The following CC2D1B variants were observed in gnomAD, a reference collection of about 807,000 sequenced individuals.
CC2D1B encodes the protein coiled-coil and C2 domain containing 1B.
CC2D1B carries 92 observed loss-of-function variants against 110.8 expected under a neutral mutation model. That is an observed-to-expected ratio of 0.83 (90% CI 0.70 to 0.99). The LOEUF (loss-of-function observed/expected upper bound fraction) is 0.99. Ranked by LOEUF, CC2D1B falls within the 50% of genes least tolerant of loss-of-function variation. The probability of loss-of-function intolerance (pLI) is 0.00; values close to 1 mark genes in which losing one functional copy is unlikely to be tolerated. For synonymous variants in CC2D1B, 406 were observed against 429.2 expected (o/e 0.95, Z 0.67); for missense variants, 1,136 against 1,089.0 (o/e 1.04, Z -0.61).
At chr1:52,357,503 G>A in intron 15 of CC2D1B, 23 bp downstream of exon 15, 1 of 1,555,410 alleles carries the variant, frequency 6.4e-7, no homozygotes, top group Non-Finnish European at 8.7e-7. Context: ...AGAAGTCCTG[G>A]TGGTTAACCA....
At position 52,353,229 on chromosome 1, in the gene CC2D1B, CAG is replaced by C. The variant is rs1329603540; in HGVS notation, c.*2-8_*2-7del. 2.0e-5 allele frequency: 27 copies of C among 1,372,344 alleles called. No homozygotes were observed. Among genetic ancestry groups the C allele is most frequent in the Admixed American group, 4.4e-5 (2 of 45,376 alleles). The allele number at this position is 1,372,344 out of a possible 1,614,324, so 85.0% of individuals were successfully genotyped here. On this transcript the variant is annotated splice_region_variant and splice_polypyrimidine_tract_variant and intron_variant, in intron 24 of 24. Coordinates refer to ENST00000284376, the MANE Select transcript of CC2D1B (RefSeq NM_001330585.2). ...CTCCTGGTGCTGGCCATCGGCTACACAGGGGTGCAAAGCACAAGAAGTCAGTC... is the reference window on the plus strand; with the variant it reads ...CTCCTGGTGCTGGCCATCGGCTACACGGGTGCAAAGCACAAGAAGTCAGTC...
At chr1:52,356,738 T>TA in intron 16 of CC2D1B, 1 of 598,896 alleles carries the variant, frequency 1.7e-6, no homozygotes, top group South Asian at 2.1e-5. Context: ...TTCAGATAGA[T>TA]AAATACATAA....
At chr1:52,354,350 T>G (rs762671498) in intron 23 of CC2D1B, 1 of 664,318 alleles carries the variant, frequency 1.5e-6, no homozygotes, top group Non-Finnish European at 2.8e-6. Context: ...AGAGGCAAGG[T>G]CGTATAGTCC....
Position 52,352,971 on chromosome 1 carries a change from C to T in CC2D1B, c.*254G>A. ...TACAGAGGAATGGAAGTGTCCTTGC[C>T]CTCTTCCAGACTCGGGGCAGGGGGA... is the stretch of plus-strand genomic sequence containing the variant. On this transcript the variant is annotated 3_prime_UTR_variant, in exon 25 of 25. Transcript: ENST00000284376. 2.7e-6 allele frequency: 1 copy of T among 368,584 alleles called. No homozygotes were observed. The highest frequency in any genetic ancestry group is 2.1e-5 in the South Asian group (1 of 47,338). The allele number at this position is 368,584 out of a possible 1,614,324, so 22.8% of individuals were successfully genotyped here. A position where few individuals can be genotyped will look rare whatever the true frequency, so the allele number is the denominator to read the frequency against.
At chr1:52,356,160 G>A (rs1646646464) in intron 18 of CC2D1B, 26 bp downstream of exon 18, 5 of 1,569,904 alleles carry the variant, frequency 3.2e-6, no homozygotes, top group Middle Eastern at 1.7e-4. Context: ...CCTGCCTGGA[G>A]CCCCTGTTTC....
In CC2D1B at chr1:52,359,779, ACT is replaced by A. The variant is rs1281185262; in HGVS notation, c.866_867del (p.Glu289ValfsTer50). ...TTGGCACTGAGGGCAGCCACTTTGT[ACT>A]CTCTCTGTCGGGATGACAGCAGGGC... ...PRALLSSRQR[E>X]YKVAALSAKR... On this transcript the variant is annotated frameshift_variant, in exon 8 of 25. Transcript: ENST00000284376. LOFTEE classifies it high-confidence loss of function. 6 of 1,610,538 alleles carry A rather than the reference ACT, an allele frequency of 3.7e-6. No homozygotes were observed. The highest frequency in any genetic ancestry group is 1.3e-5 in the African/African-American group (1 of 74,730).
rs144573732 is a variant in CC2D1B at position 52,355,623 on chromosome 1, A to G, written c.2172T>C (p.Phe724=). Residue 724 remains phenylalanine (F), a synonymous_variant, in exon 20 of 25, where the codon TTT becomes TTC. Transcript: ENST00000284376. ...TGAACCTCACCGAGTTAGGGTAGTGAAACTCAAACCGCACAAAAGCATCCA... is the reference window on the plus strand; with the variant it reads ...TGAACCTCACCGAGTTAGGGTAGTGGAACTCAAACCGCACAAAAGCATCCA... ...DDLDAFVRFE[F]HYPNSDQAQK... The G allele has an allele frequency of 6.2e-7, 1 of 1,614,078 alleles. No homozygotes were observed. Among genetic ancestry groups the G allele is most frequent in the Non-Finnish European group, 8.5e-7 (1 of 1,180,056 alleles).
chr1:52,360,602 C>T, intron 5 of CC2D1B, 53 bp from the exon 6 acceptor site: 2 of 1,581,444 alleles, frequency 1.3e-6, no homozygotes, highest in Non-Finnish European at 1.7e-6. Context: ...CTAGGCCTAC[C>T]ATTCTCCCTC....
intron 8 of CC2D1B, 52 bp downstream of exon 8, chr1:52,359,652 CT>C: frequency 6.4e-7 from 1 of 1,550,754 alleles, no homozygotes; most frequent in Admixed American, 2.0e-5. Flanking sequence ...CTTTCTGAGC[CT>C]GTTTCCCCTA....
chr1:52,359,470 G>T lies in CC2D1B; in HGVS notation c.1007C>A (p.Pro336Gln). 1 of 1,613,922 alleles carries T rather than the reference G, an allele frequency of 6.2e-7. No homozygotes were observed. The change falls in exon 9 of 25, where the codon CCG becomes CAG. Residue 336 changes from proline to glutamine, a missense_variant. By Grantham distance (76) the Pro-to-Gln change is moderately conservative (BLOSUM62 -1). Coordinates refer to ENST00000284376, the MANE Select transcript of CC2D1B (RefSeq NM_001330585.2). ...GQPVDLSAMP[P>Q]APEDLKPQQA... The stretch of plus-strand genomic sequence containing the variant: ...AGATACATACTGACCCTCAGGTGCC[G>T]GGGGCATGGCACTCAGATCCACGGG...
At chr1:52,357,405 G>T in intron 15 of CC2D1B, 121 bp downstream of exon 15, 3 of 1,114,802 alleles carry the variant, frequency 2.7e-6, no homozygotes, top group Non-Finnish European at 3.8e-6. Flanking sequence ...TTTCCCAGCT[G>T]TCATCATGCT....
chr1:52,358,890 T>C, intron 11 of CC2D1B, 132 bp from the exon 12 acceptor site: 1 of 1,439,658 alleles, frequency 6.9e-7, no homozygotes, highest in East Asian at 2.3e-5. Context: ...AAAAGATCCC[T>C]AAGGCAGCAA....
rs1646530369 is a variant in CC2D1B, at chr1:52,351,531, C to G, written c.*1694G>C. ...TTCTAGATTATTGCTGTGTTGCATA[C>G]ACGTGACTGCAATTAAGTGTTAAAT... is the stretch of plus-strand genomic sequence containing the variant. On this transcript the variant is annotated 3_prime_UTR_variant, in exon 25 of 25. Coordinates refer to ENST00000284376, the MANE Select transcript of CC2D1B (RefSeq NM_001330585.2). The G allele has an allele frequency of 6.6e-6, 1 of 152,110 alleles. No homozygotes were observed. The highest frequency in any genetic ancestry group is 1.5e-5 in the Non-Finnish European group (1 of 68,036). The allele number at this position is 152,110 out of a possible 1,614,324, so 9.4% of individuals were successfully genotyped here.
At chr1:52,356,899 C>T in intron 16 of CC2D1B, 102 bp downstream of exon 16, 4 of 1,343,816 alleles carry the variant, frequency 3.0e-6, no homozygotes, top group Non-Finnish European at 4.0e-6. Context: ...AGTGGAAGAG[C>T]TGAGAATTTT....
chr1:52,357,457 C>T lies in CC2D1B; in HGVS notation c.1752+69G>A, dbSNP rs907819816. On this transcript the variant is annotated intron_variant, in intron 15 of 24. Coordinates refer to ENST00000284376, the MANE Select transcript of CC2D1B (RefSeq NM_001330585.2). ...TCATCCCAGAAGCTGCCCTTGTTCA[C>T]AGCCTGTCAAGCCTGCCAGCCGCCA... The T allele has an allele frequency of 6.1e-6, 9 of 1,481,834 alleles. No individual in the cohort carries two copies. In the Admixed American group the frequency reaches 8.1e-5, roughly 13 times the overall value. 91.8% of individuals were successfully genotyped at this position (1,481,834 alleles called of 1,614,324 possible).
rs1379143547 is a variant in CC2D1B at position 52,357,801 on chromosome 1, T to G, written c.1559A>C (p.Lys520Thr). 1.3e-6 allele frequency: 2 copies of G among 1,591,654 alleles called. No individual in the cohort carries two copies. The highest frequency in any genetic ancestry group is 1.7e-6 in the Non-Finnish European group (2 of 1,169,284). The change falls in exon 14 of 25, where the codon AAG (lysine) becomes ACG (threonine). Residue 520 changes from lysine (K) to threonine (T), a missense_variant. Transcript: ENST00000284376. ...RLPEPRASSSKESPSPSVREQ... is the reference protein window; with the variant it reads ...RLPEPRASSSTESPSPSVREQ... ...CTCACCAGATGGACTCGGTGACTCC[T>G]TAGAACTTGAGGCCCTGGGCTCAGG... is the stretch of plus-strand genomic sequence containing the variant.
chr1:52,360,859 G>A, intron 5 of CC2D1B, 115 bp downstream of exon 5: 1 of 1,318,956 alleles, frequency 7.6e-7, no homozygotes, highest in Admixed American at 2.0e-5. Flanking sequence ...GCGGCTGCTG[G>A]GGGAGGGTCC....
chr1:52,356,116 G>C, intron 18 of CC2D1B, 70 bp downstream of exon 18: 1 of 1,362,166 alleles, frequency 7.3e-7, no homozygotes, highest in Non-Finnish European at 1.0e-6. Context: ...AGGGGTAGCA[G>C]TCTCTGGCCT....
At chr1:52,363,133 G>A (rs1415666048) in intron 2 of CC2D1B, among the ~76,000 whole-genome samples, 7 of 152,064 alleles carry the variant, frequency 4.6e-5, no homozygotes, top group South Asian at 2.1e-4. Context: ...GGTGGCTCAC[G>A]CCTGTAATCC....
Sources: allele counts gnomAD v4.1 joint callset (sites outside exome capture counted in the v4.1 genomes callset), GRCh38; gene constraint gnomAD v4.1.1; transcripts MANE v1.5; gene names NCBI Gene and HGNC (gene_info 2026-07-23, HGNC 2026-07-21).